The following AMER1 variants were observed in gnomAD, a reference collection of about 807,000 sequenced individuals.
The protein encoded by AMER1 is APC membrane recruitment protein 1.
Under a neutral mutation model 53.0 loss-of-function variants are expected in AMER1, and 16 were observed. The observed-to-expected ratio is 0.30, with a 90% CI of 0.20 to 0.46. The LOEUF (loss-of-function observed/expected upper bound fraction) is 0.46. Among genes scored for constraint, AMER1 ranks in the 20% least tolerant of loss-of-function variants. AMER1 has a pLI of 1.00. For missense variants in AMER1, 947 were observed against 884.9 expected (o/e 1.07, Z -0.89); for synonymous variants, 354 against 331.9 (o/e 1.07, Z -0.73).
intron 1 of AMER1, among the ~76,000 whole-genome samples, chrX:64,199,276 A>T (rs950695223): frequency 4.5e-5 from 5 of 112,138 alleles, no homozygotes; most frequent in African/African-American, 1.6e-4. Context: ...CTGTTCATTC[A>T]TCTCTCTCAA....
At chrX:64,193,453 C>A in intron 1 of AMER1, 69 bp from the exon 2 acceptor site, 1 of 735,988 alleles carries the variant, frequency 1.4e-6, no homozygotes, top group Middle Eastern at 4.7e-4. Flanking sequence ...GCTGGGTTTG[C>A]TTTCACCGGA....
In AMER1 at chrX:64,186,097, G is replaced by C. The variant is rs1325779862; in HGVS notation, c.*3782C>G. 8.4e-7 allele frequency: 1 copy of C among 1,190,264 alleles called. No individual in the cohort carries two copies. The highest frequency in any genetic ancestry group is 1.1e-6 in the Non-Finnish European group (1 of 878,002). On this transcript the variant is annotated 3_prime_UTR_variant, in exon 2 of 2. Transcript: ENST00000374869. The stretch of plus-strand genomic sequence containing the variant: ...AAAAGAAAGAAAAACATAAAATAAA[G>C]CCAGAAAATGACAAGCTGTCTACCA...
At chrX:64,194,613 G>A (rs1047849911) in intron 1 of AMER1, among the ~76,000 whole-genome samples, 7 of 111,443 alleles carry the variant, frequency 6.3e-5, no homozygotes, top group Non-Finnish European at 1.3e-4. Context: ...ACCAGCAGAT[G>A]GGGGAATCTG....
At chrX:64,200,813 C>T (rs1270098853) in intron 1 of AMER1, among the ~76,000 whole-genome samples, 1 of 111,751 alleles carries the variant, frequency 8.9e-6, no homozygotes, top group African/African-American at 3.3e-5. Flanking sequence ...CAACATTTTG[C>T]TCTTTCAAAA....
Position 64,191,506 on chromosome X carries a change from T to C in AMER1, c.1781A>G (p.His594Arg). ...RAREAHAREAHAREAYTREAY... is the reference protein window; with the variant it reads ...RAREAHAREARAREAYTREAY... Reference sequence around the variant, plus strand: ...CTCTCGAGTATAGGCCTCCCTGGCGTGGGCCTCCCTGGCATGAGCTTCTCG... The same window carrying C: ...CTCTCGAGTATAGGCCTCCCTGGCGCGGGCCTCCCTGGCATGAGCTTCTCG... Residue 594 changes from histidine to arginine, a missense_variant, in exon 2 of 2, where the codon CAC becomes CGC. Physicochemically the swap from His to Arg is conservative, Grantham distance 29. Transcript: ENST00000374869. 1 of 1,211,838 alleles carries C rather than the reference T, an allele frequency of 8.3e-7. No individual in the cohort carries two copies. The highest frequency in any genetic ancestry group is 1.1e-6 in the Non-Finnish European group (1 of 895,497).
intron 1 of AMER1, among the ~76,000 whole-genome samples, chrX:64,201,503 T>C (rs1156645509): frequency 1.9e-5 from 2 of 108,105 alleles, no homozygotes; most frequent in South Asian, 4.1e-4. Context: ...GGTTTAACTA[T>C]AGCATGACAG....
At position 64,192,142 on chromosome X, in the gene AMER1, T is replaced by G. The variant is rs1172277012; in HGVS notation, c.1145A>C (p.Glu382Ala). The G allele has an allele frequency of 8.3e-7, 1 of 1,208,949 alleles. No homozygotes were observed. Among genetic ancestry groups the G allele is most frequent in the Non-Finnish European group, 1.1e-6 (1 of 894,404 alleles). ...TAATTCCACCTCTTCTTCCTCTTCTTCCTCCTCGTCATCATCATCTGGCAA... is the reference window on the plus strand; with the variant it reads ...TAATTCCACCTCTTCTTCCTCTTCTGCCTCCTCGTCATCATCATCTGGCAA... ...MALPDDDDEE[E>A]EEEEEVELEE... The change falls in exon 2 of 2, where the codon GAA (glutamate) becomes GCA (alanine). Residue 382 changes from glutamate (E) to alanine (A), a missense_variant. Physicochemically the swap from Glu to Ala is moderately radical, Grantham distance 107 (BLOSUM62 -1). Transcript: ENST00000374869.
chrX:64,195,889 T>C, intron 1 of AMER1, among the ~76,000 whole-genome samples: 1 of 112,416 alleles, frequency 8.9e-6, no homozygotes, highest in African/African-American at 3.2e-5. Context: ...TCTTGGGCAG[T>C]AAGGCTGGGC....
Position 64,189,792 on chromosome X carries a change from A to ATGGGGGGGG in AMER1, c.*86_*87insCCCCCCCCA. 2.7e-6 allele frequency: 2 copies of ATGGGGGGGG among 746,964 alleles called. No individual in the cohort carries two copies. The highest frequency in any genetic ancestry group is 3.4e-6 in the Non-Finnish European group (2 of 590,420). The allele number at this position is 746,964 out of a possible 1,213,427, so 61.6% of individuals were successfully genotyped here. On this transcript the variant is annotated 3_prime_UTR_variant, in exon 2 of 2. Coordinates refer to ENST00000374869, the MANE Select transcript of AMER1 (RefSeq NM_152424.4). Reference sequence around the variant, plus strand: ...CCAAAGGGTTTTCAAGTTAAACAACAACCCCCACCCCCCCACCCTTCTGCC... The same window carrying ATGGGGGGGG: ...CCAAAGGGTTTTCAAGTTAAACAACATGGGGGGGGACCCCCACCCCCCCACCCTTCTGCC...
At position 64,189,755 on chromosome X, in the gene AMER1, G is replaced by A; in HGVS notation, c.*124C>T. ...AAAACCAAGGTGAAAACTCACAGGA[G>A]TTTTCCTTGGCCCAAAGGGTTTTCA... On this transcript the variant is annotated 3_prime_UTR_variant, in exon 2 of 2. Transcript: ENST00000374869. 1 of 1,123,310 alleles carries A rather than the reference G, an allele frequency of 8.9e-7. No individual in the cohort carries two copies. Among genetic ancestry groups the A allele is most frequent in the Non-Finnish European group, 1.2e-6 (1 of 851,708 alleles). 92.6% of individuals were successfully genotyped at this position (1,123,310 alleles called of 1,213,427 possible). A position where few individuals can be genotyped will look rare whatever the true frequency, so the allele number is the denominator to read the frequency against.
chrX:64,186,212 T>A lies in AMER1; in HGVS notation c.*3667A>T. ...TCATGGGGGGAGGGAACGGACAGTG[T>A]GGTACAGCTAAGGTAGGGAGAGGGG... On this transcript the variant is annotated 3_prime_UTR_variant, in exon 2 of 2. Coordinates refer to ENST00000374869, the MANE Select transcript of AMER1 (RefSeq NM_152424.4). 1 of 1,199,280 alleles carries A rather than the reference T, an allele frequency of 8.3e-7. No homozygotes were observed. The highest frequency in any genetic ancestry group is 1.1e-6 in the Non-Finnish European group (1 of 887,465).
Position 64,189,793 on chromosome X carries a change from A to ACGGGGGGC in AMER1, c.*85_*86insGCCCCCCG. The stretch of plus-strand genomic sequence containing the variant: ...CAAAGGGTTTTCAAGTTAAACAACA[A>ACGGGGGGC]CCCCCACCCCCCCACCCTTCTGCCC... On this transcript the variant is annotated 3_prime_UTR_variant, in exon 2 of 2. Coordinates refer to ENST00000374869, the MANE Select transcript of AMER1 (RefSeq NM_152424.4). 5.8e-5 allele frequency: 17 copies of ACGGGGGGC among 291,964 alleles called. No individual in the cohort carries two copies. Among genetic ancestry groups the ACGGGGGGC allele is most frequent in the East Asian group, 1.7e-4 (1 of 5,962 alleles). 24.1% of individuals were successfully genotyped at this position (291,964 alleles called of 1,213,427 possible).
chrX:64,192,395 C>T lies in AMER1; in HGVS notation c.892G>A (p.Val298Ile), dbSNP rs1393546514. ...CCCACAGGGCCATTGGGTGGGTTTA[C>T]CTCTCCTGCTACTACCTTCTCCCCT... ...ETGEKVVAGE[V>I]NPPNGPVGDP... The change falls in exon 2 of 2, where the codon GTA becomes ATA. Residue 298 changes from valine (V) to isoleucine (I), a missense_variant. Physicochemically the swap from Val to Ile is conservative, Grantham distance 29. Transcript: ENST00000374869. 1 of 1,212,273 alleles carries T rather than the reference C, an allele frequency of 8.2e-7. No individual in the cohort carries two copies. The highest frequency in any genetic ancestry group is 2.2e-5 in the Admixed American group (1 of 46,163).
Position 64,188,851 on chromosome X carries a change from C to T in AMER1, c.*1028G>A. 2 of 807,038 alleles carry T rather than the reference C, an allele frequency of 2.5e-6. No individual in the cohort carries two copies. Among genetic ancestry groups the T allele is most frequent in the South Asian group, 6.6e-5 (1 of 15,210 alleles). The allele number at this position is 807,038 out of a possible 1,213,427, so 66.5% of individuals were successfully genotyped here. A position where few individuals can be genotyped will look rare whatever the true frequency, so the allele number is the denominator to read the frequency against. On this transcript the variant is annotated 3_prime_UTR_variant, in exon 2 of 2. Coordinates refer to ENST00000374869, the MANE Select transcript of AMER1 (RefSeq NM_152424.4). ...AGCCTAATTTAGGTTGCTTCTCTTC[C>T]CTTATCTCAATTAAAAGACCGTGTT...
intron 1 of AMER1, among the ~76,000 whole-genome samples, chrX:64,197,429 C>G (rs1477665809): frequency 8.9e-6 from 1 of 112,890 alleles, no homozygotes; most frequent in East Asian, 2.8e-4. Flanking sequence ...AGGCAGGAGG[C>G]CAGCCACATA....
chrX:64,197,051 T>C (rs930588319), intron 1 of AMER1, among the ~76,000 whole-genome samples: 1 of 111,983 alleles, frequency 8.9e-6, no homozygotes. Context: ...GAGAGTGAGG[T>C]GGGGCAGAAA....
At position 64,192,293 on chromosome X, in the gene AMER1, T is replaced by C. The variant is rs765907873; in HGVS notation, c.994A>G (p.Ile332Val). ...FDSLTGCGDIIAEQDMDSMTD... is the reference protein window; with the variant it reads ...FDSLTGCGDIVAEQDMDSMTD... The stretch of plus-strand genomic sequence containing the variant: ...ATACTGTCCATGTCCTGTTCTGCTA[T>C]TATGTCACCACAACCTGTCAATGAA... The change falls in exon 2 of 2, where the codon ATA becomes GTA. Residue 332 changes from isoleucine (I) to valine (V), a missense_variant. Coordinates refer to ENST00000374869, the MANE Select transcript of AMER1 (RefSeq NM_152424.4). The C allele has an allele frequency of 8.2e-7, 1 of 1,212,266 alleles. No individual in the cohort carries two copies.
chrX:64,192,628 G>C lies in AMER1; in HGVS notation c.659C>G (p.Thr220Ser), dbSNP rs202069335. The change falls in exon 2 of 2, where the codon ACC (threonine) becomes AGC (serine). Residue 220 changes from threonine to serine, a missense_variant. Thr to Ser is a moderately conservative substitution (Grantham distance 58). Coordinates refer to ENST00000374869, the MANE Select transcript of AMER1 (RefSeq NM_152424.4). ...SAPQVPCFEE[T>S]FQAPRKENAN... The stretch of plus-strand genomic sequence containing the variant: ...ATTTTCCTTTCTAGGGGCTTGGAAG[G>C]TCTCCTCAAAGCAGGGCACCTGAGG... 2 of 1,173,002 alleles carry C rather than the reference G, an allele frequency of 1.7e-6. No individual in the cohort carries two copies. Among genetic ancestry groups the C allele is most frequent in the Middle Eastern group, 2.4e-4 (1 of 4,142 alleles).
Position 64,188,592 on chromosome X carries a change from C to A in AMER1, c.*1287G>T. On this transcript the variant is annotated 3_prime_UTR_variant, in exon 2 of 2. Transcript: ENST00000374869. ...CAGCAGCTGAGATGCCTTTGGTATC[C>A]TGTCTTGGGAGTGCAAACCTGGGGC... 1.2e-6 allele frequency: 1 copy of A among 802,863 alleles called. No homozygotes were observed. Among genetic ancestry groups the A allele is most frequent in the South Asian group, 6.6e-5 (1 of 15,221 alleles). The allele number at this position is 802,863 out of a possible 1,213,427, so 66.2% of individuals were successfully genotyped here. A position where few individuals can be genotyped will look rare whatever the true frequency, so the allele number is the denominator to read the frequency against.
Sources: gnomAD v4.1 joint callset for allele counts (sites outside exome capture counted in the v4.1 genomes callset) on GRCh38, gnomAD v4.1.1 for gene constraint, MANE v1.5 for transcripts, NCBI Gene and HGNC (gene_info 2026-07-23, HGNC 2026-07-21) for gene names.